The following CFAP54 variants were observed in gnomAD, a reference collection of about 807,000 sequenced individuals.
The protein encoded by CFAP54 is cilia- and flagella-associated protein 54.
In CFAP54, 290 loss-of-function variants were observed where a neutral mutation model predicts 370.4. The observed-to-expected ratio is 0.78, with a 90% CI of 0.71 to 0.86. The LOEUF (loss-of-function observed/expected upper bound fraction) is 0.86, where lower values mean the gene tolerates loss of function less well. Ranked by LOEUF, CFAP54 falls within the 40% of genes least tolerant of loss-of-function variation. The pLI is 0.00. For synonymous variants in CFAP54, 1,206 were observed against 1,236.5 expected (o/e 0.98, Z 0.52); for missense variants, 3,399 against 3,528.7 (o/e 0.96, Z 0.93).
At chr12:96,633,298 A>G (rs1956628222) in intron 32 of CFAP54, among the ~76,000 whole-genome samples, 1 of 152,232 alleles carries the variant, frequency 6.6e-6, no homozygotes, top group African/African-American at 2.4e-5. Context: ...TTATTTCCAG[A>G]TAATTATAGA....
At chr12:96,793,928 G>A (rs912629949) in intron 63 of CFAP54, among the ~76,000 whole-genome samples, 6 of 151,970 alleles carry the variant, frequency 3.9e-5, no homozygotes, top group Admixed American at 3.9e-4. Context: ...TTGCTAGTTT[G>A]TTTGAGTTCC....
intron 15 of CFAP54, among the ~76,000 whole-genome samples, chr12:96,550,986 G>A (rs1212667545): frequency 6.6e-6 from 1 of 152,128 alleles, no homozygotes; most frequent in Non-Finnish European, 1.5e-5. Context: ...AAAAACTCTG[G>A]CCTGGGTATG....
chr12:96,663,766 A>T, intron 38 of CFAP54, 64 bp from the exon 39 acceptor site: 2 of 1,166,944 alleles, frequency 1.7e-6, no homozygotes, highest in Non-Finnish European at 2.5e-6. Flanking sequence ...GAAACATTTC[A>T]AGTAAGCGAA....
intron 45 of CFAP54, among the ~76,000 whole-genome samples, chr12:96,697,264 T>G (rs1399052442): frequency 6.6e-6 from 1 of 152,024 alleles, no homozygotes; most frequent in Non-Finnish European, 1.5e-5. Context: ...CCAGAAAGAG[T>G]CCATGTTCAG....
rs141794244 is a variant in CFAP54, at chr12:96,729,780, C to T, written c.6965+9215C>T. On this transcript the variant is annotated intron_variant, in intron 50 of 67. Coordinates refer to ENST00000524981, the MANE Select transcript of CFAP54 (RefSeq NM_001306084.2). ...TGCAGAAATCACCCGTCTTCTGCGT[C>T]GCTCACGCTGGGAGCTGTAGACCGG... Among the ~76,000 whole-genome samples the T allele has an allele frequency of 3.9e-5, 6 of 152,302 alleles. No individual in the cohort carries two copies. In the East Asian group the frequency reaches 5.8e-4, roughly 15 times the overall value.
chr12:96,740,133 TA>T (rs1417422742), intron 51 of CFAP54, 72 bp downstream of exon 51: 3 of 877,668 alleles, frequency 3.4e-6, no homozygotes, highest in Non-Finnish European at 5.4e-6. Context: ...GGATATTGTC[TA>T]ATTATTTAGA....
intron 66 of CFAP54, among the ~76,000 whole-genome samples, chr12:96,859,414 G>T (rs1283272239): frequency 2.0e-5 from 3 of 151,056 alleles, no homozygotes; most frequent in Admixed American, 6.6e-5. Flanking sequence ...TGTTTGTTTT[G>T]TTTTTTGTTT....
intron 21 of CFAP54, 103 bp from the exon 22 acceptor site, chr12:96,580,817 A>G (rs1956025819): frequency 8.7e-7 from 1 of 1,152,528 alleles, no homozygotes. Flanking sequence ...CCAACAATGA[A>G]AGAAAAAGGT....
chr12:96,861,292 T>G (rs1052120724), intron 67 of CFAP54, among the ~76,000 whole-genome samples: 44 of 152,196 alleles, frequency 2.9e-4, no homozygotes, highest in African/African-American at 1.1e-3. Context: ...TTTTGTCCAT[T>G]AGGTGACATT....
intron 32 of CFAP54, among the ~76,000 whole-genome samples, chr12:96,631,475 G>A (rs78985690): frequency 0.051 from 5,165 of 100,500 alleles, 213 homozygotes; most frequent in African/African-American, 0.11. Context: ...AATTTGCTTT[G>A]GAAATTTGCC....
chr12:96,756,770 G>C (rs34486), intron 57 of CFAP54, among the ~76,000 whole-genome samples: 136,090 of 152,164 alleles, frequency 0.89, 60,998 homozygotes, highest in East Asian at 0.96. Context: ...CTCATAGTGG[G>C]ATATTGGCCT....
chr12:96,537,913 C>T (rs1457777682), intron 12 of CFAP54, among the ~76,000 whole-genome samples: 1 of 151,892 alleles, frequency 6.6e-6, no homozygotes, highest in Admixed American at 6.6e-5. Context: ...CATGGTGAAA[C>T]TCCATATCTA....
Position 96,580,591 on chromosome 12 carries a change from C to T in CFAP54, c.2797-6C>T, listed in dbSNP as rs1461692613. 23 of 1,475,992 alleles carry T rather than the reference C, an allele frequency of 1.6e-5. No individual in the cohort carries two copies. Among genetic ancestry groups the T allele is most frequent in the Admixed American group, 6.9e-5 (3 of 43,696 alleles). 91.4% of individuals were successfully genotyped at this position (1,475,992 alleles called of 1,614,324 possible). ...TTTTAAACAGGCTCATTTTTCTCGT[C>T]GGCAGGTCTCCTGGTACTGCATTTT... On this transcript the variant is annotated splice_region_variant and splice_polypyrimidine_tract_variant and intron_variant, in intron 20 of 67. Transcript: ENST00000524981.
intron 58 of CFAP54, among the ~76,000 whole-genome samples, chr12:96,758,984 AT>A (rs537959979): frequency 6.6e-6 from 1 of 152,180 alleles, no homozygotes; most frequent in East Asian, 1.9e-4. Context: ...CAGTAATTTT[AT>A]TTTTTGTTTT....
chr12:96,559,863 G>A (rs1955797500), intron 17 of CFAP54, among the ~76,000 whole-genome samples: 1 of 151,750 alleles, frequency 6.6e-6, no homozygotes, highest in Admixed American at 6.6e-5. Context: ...TTATTTTTTA[G>A]CATCCAATTG....
At chr12:96,855,360 T>C (rs2136458208) in intron 66 of CFAP54, among the ~76,000 whole-genome samples, 1 of 152,306 alleles carries the variant, frequency 6.6e-6, no homozygotes, top group East Asian at 1.9e-4. Context: ...CCCCAAAGTC[T>C]TAATTCATTC....
intron 59 of CFAP54, 91 bp downstream of exon 59, chr12:96,764,340 G>C (rs1307468165): frequency 2.1e-6 from 2 of 967,866 alleles, no homozygotes; most frequent in Non-Finnish European, 3.0e-6. Flanking sequence ...AAAGAGAAAG[G>C]AGTTGGGTGT....
chr12:96,658,285 T>A lies in CFAP54; in HGVS notation c.5399T>A (p.Phe1800Tyr). ...CAGCTTCTGCTGAGAATACAGAAGT[T>A]CAAGGGCCCAGATATTACCCAACAA... is the stretch of plus-strand genomic sequence containing the variant. ...QRQLLLRIQK[F>Y]KGPDITQQPC... is the part of the protein sequence containing the mutation. The change falls in exon 38 of 68, where the codon TTC becomes TAC. Residue 1800 changes from phenylalanine to tyrosine, a missense_variant. By Grantham distance (22) the Phe-to-Tyr change is conservative. Transcript: ENST00000524981. 6.2e-7 allele frequency: 1 copy of A among 1,614,124 alleles called. No homozygotes were observed. Among genetic ancestry groups the A allele is most frequent in the Non-Finnish European group, 8.5e-7 (1 of 1,180,012 alleles).
intron 66 of CFAP54, among the ~76,000 whole-genome samples, chr12:96,832,280 A>T (rs549051201): frequency 0.019 from 2,277 of 122,858 alleles, 75 homozygotes; most frequent in African/African-American, 0.068. Flanking sequence ...GTAAAAAAAA[A>T]AAATATATAT....
Sources: gnomAD v4.1 joint callset for allele counts (sites outside exome capture counted in the v4.1 genomes callset) on GRCh38, gnomAD v4.1.1 for gene constraint, MANE v1.5 for transcripts, NCBI Gene and HGNC (gene_info 2026-07-23, HGNC 2026-07-21) for gene names.